The following RBFOX1 variants were observed in gnomAD, a reference collection of about 807,000 sequenced individuals.
RBFOX1 encodes RNA binding fox-1 homolog 1, also known as RNA binding protein fox-1 homolog 1.
Under a neutral mutation model 57.7 loss-of-function variants are expected in RBFOX1, and 8 were observed. That is an observed-to-expected ratio of 0.14 (90% CI 0.08 to 0.25). The LOEUF (loss-of-function observed/expected upper bound fraction) is 0.25. Among genes scored for constraint, RBFOX1 ranks in the 10% least tolerant of loss-of-function variants. The pLI, the probability that RBFOX1 is intolerant of heterozygous loss-of-function variation, is 1.00. For missense variants in RBFOX1, 611 were observed against 548.5 expected (o/e 1.11, Z -1.14); for synonymous variants, 326 against 222.4 (o/e 1.47, Z -4.15).
At chr16:6,729,636 C>G (rs777181578) in intron 3 of RBFOX1, among the ~76,000 whole-genome samples, 20 of 152,024 alleles carry the variant, frequency 1.3e-4, no homozygotes, top group Admixed American at 1.1e-3. Context: ...GTAGAAAGTA[C>G]CTCATTCTCT....
chr16:5,909,161 G>C (rs539614253), intron 4 of RBFOX1, among the ~76,000 whole-genome samples: 2 of 140,074 alleles, frequency 1.4e-5, no homozygotes, highest in African/African-American at 2.7e-5. Flanking sequence ...GGTGCGGTCT[G>C]GGCTCACTGC....
chr16:5,351,726 C>A (rs975178327), intron 1 of RBFOX1, among the ~76,000 whole-genome samples: 6 of 152,134 alleles, frequency 3.9e-5, no homozygotes, highest in African/African-American at 1.4e-4. Flanking sequence ...ATCGCTTAGC[C>A]CGAGAACTCC....
rs2069341967 is a variant in RBFOX1, at chr16:6,904,625, AAAAGAAG to A, written c.-15-147429_-15-147423del. 5.3e-5 allele frequency among the ~76,000 whole-genome samples: 8 copies of A among 149,662 alleles called. No individual in the cohort carries two copies. In the Middle Eastern group the frequency reaches 0.01, roughly 191 times the overall value. ...AAAAAAAAAAAAAAAAAAAAAAAAA[AAAAGAAG>A]AAGAAGAAAGAAAAATTCATACATC... On this transcript the variant is annotated intron_variant, in intron 3 of 15. Coordinates refer to ENST00000550418, the MANE Select transcript of RBFOX1 (RefSeq NM_018723.4).
intron 3 of RBFOX1, among the ~76,000 whole-genome samples, chr16:6,732,734 A>G (rs1170780942): frequency 6.6e-6 from 1 of 152,206 alleles, no homozygotes; most frequent in Non-Finnish European, 1.5e-5. Context: ...ATGCCATGGG[A>G]GAACTAGCAC....
At chr16:6,955,031 G>A (rs1433216489) in intron 3 of RBFOX1, among the ~76,000 whole-genome samples, 1 of 148,082 alleles carries the variant, frequency 6.8e-6, no homozygotes, top group Non-Finnish European at 1.5e-5. Context: ...GGGAGTTCAA[G>A]ACAAGCCTGG....
rs71142659 is a variant in RBFOX1 at position 5,969,298 on chromosome 16, C to CTTTTTTTTTT, written c.351+101979_351+101988dup. 3.2e-4 allele frequency among the ~76,000 whole-genome samples: 27 copies of CTTTTTTTTTT among 83,750 alleles called. 1 individual carries two copies. The highest frequency in any genetic ancestry group is 3.3e-4 in the African/African-American group (7 of 21,532). 54.9% of individuals were successfully genotyped at this position (83,750 alleles called of 152,430 possible). A position where few individuals can be genotyped will look rare whatever the true frequency, so the allele number is the denominator to read the frequency against. On this transcript the variant is annotated intron_variant, in intron 4 of 19. Transcript: ENST00000641259. ...ATGCCTGTGATTATTTTCGGTTGTT[C>CTTTTTTTTTT]TTTTTTTTTTTTTTTTTTTTTTTTT...
intron 3 of RBFOX1, among the ~76,000 whole-genome samples, chr16:5,611,964 AAAAAT>A (rs1346606950): frequency 6.6e-6 from 1 of 151,916 alleles, no homozygotes; most frequent in African/African-American, 2.4e-5. Context: ...CATCTGTACA[AAAAAT>A]AAAATAAAAA....
intron 4 of RBFOX1, among the ~76,000 whole-genome samples, chr16:7,484,780 C>T (rs7194179): frequency 0.13 from 19,315 of 152,120 alleles, 4,088 homozygotes; most frequent in African/African-American, 0.44. Context: ...GGGTATTTTT[C>T]GCACAGCTCC....
At chr16:6,867,530 C>A (rs1288890522) in intron 3 of RBFOX1, among the ~76,000 whole-genome samples, 1 of 152,018 alleles carries the variant, frequency 6.6e-6, no homozygotes, top group Non-Finnish European at 1.5e-5. Context: ...ATCAGCCTGG[C>A]CAACATGGCA....
At position 6,489,592 on chromosome 16, in the gene RBFOX1, C is replaced by T. The variant is rs937493846; in HGVS notation, c.-63-165011C>T. On this transcript the variant is annotated intron_variant, in intron 2 of 15. Coordinates refer to ENST00000550418, the MANE Select transcript of RBFOX1 (RefSeq NM_018723.4). ...TTAGTAATTTGAGCTTCTAAATGTA[C>T]AGAAGCCTAAGCGTTGAGGCACCAT... 2.0e-5 allele frequency among the ~76,000 whole-genome samples: 3 copies of T among 152,132 alleles called. No homozygotes were observed. The South Asian group carries it at 6.2e-4, about 32-fold the overall frequency.
At chr16:6,085,662 G>GTGTGTGTGTA (rs1187790714) in intron 1 of RBFOX1, among the ~76,000 whole-genome samples, 1 of 152,068 alleles carries the variant, frequency 6.6e-6, no homozygotes, top group African/African-American at 2.4e-5. Flanking sequence ...GTGTGTGTGT[G>GTGTGTGTGTA]TGTGTGTCTG....
At chr16:5,445,227 A>T (rs997655089) in intron 1 of RBFOX1, among the ~76,000 whole-genome samples, 1 of 152,198 alleles carries the variant, frequency 6.6e-6, no homozygotes, top group African/African-American at 2.4e-5. Flanking sequence ...GTAGGGGACT[A>T]ATATGACAAA....
chr16:6,823,960 C>T (rs933764835), intron 3 of RBFOX1, among the ~76,000 whole-genome samples: 2 of 152,276 alleles, frequency 1.3e-5, no homozygotes, highest in South Asian at 2.1e-4. Flanking sequence ...GAGGTGGCAT[C>T]TGGTCCAAAT....
intron 1 of RBFOX1, among the ~76,000 whole-genome samples, chr16:6,072,668 A>G (rs9932561): frequency 0.054 from 8,162 of 150,694 alleles, 568 homozygotes; most frequent in African/African-American, 0.16. Context: ...TGTAACAGGT[A>G]TGGGGTGGTA....
At chr16:6,011,579 C>T (rs1174806638) in intron 4 of RBFOX1, among the ~76,000 whole-genome samples, 1 of 152,106 alleles carries the variant, frequency 6.6e-6, no homozygotes, top group African/African-American at 2.4e-5. Flanking sequence ...AGTTAAAGGT[C>T]ATGTCTCAGG....
At chr16:6,083,234 CT>C (rs2096034012) in intron 1 of RBFOX1, among the ~76,000 whole-genome samples, 1 of 152,106 alleles carries the variant, frequency 6.6e-6, no homozygotes, top group Non-Finnish European at 1.5e-5. Context: ...AACTCCTGAC[CT>C]GAAGTGATCT....
chr16:6,662,176 C>G (rs1316067712), intron 3 of RBFOX1, among the ~76,000 whole-genome samples: 1 of 152,026 alleles, frequency 6.6e-6, no homozygotes, highest in Non-Finnish European at 1.5e-5. Flanking sequence ...GATACAAACC[C>G]TCATCATCAG....
At chr16:5,349,841 C>T (rs9934334) in intron 1 of RBFOX1, among the ~76,000 whole-genome samples, 6 of 152,176 alleles carry the variant, frequency 3.9e-5, no homozygotes, top group Non-Finnish European at 1.5e-5. Flanking sequence ...GAGCTGAGGC[C>T]CCAGGAAGCA....
chr16:6,755,736 C>T (rs12103163), intron 3 of RBFOX1, among the ~76,000 whole-genome samples: 3 of 151,966 alleles, frequency 2.0e-5, no homozygotes, highest in African/African-American at 7.2e-5. Flanking sequence ...TATTCAAAAA[C>T]AACTACTTGT....
Sources: gnomAD v4.1 joint callset for allele counts (sites outside exome capture counted in the v4.1 genomes callset) on GRCh38, gnomAD v4.1.1 for gene constraint, MANE v1.5 for transcripts, NCBI Gene and HGNC (gene_info 2026-07-23, HGNC 2026-07-21) for gene names.